PTPRN2: variants seen among roughly 807,000 people sequenced by gnomAD.
PTPRN2 encodes the protein receptor-type tyrosine-protein phosphatase N2.
In PTPRN2, 74 loss-of-function variants were observed where a neutral mutation model predicts 118.8. The ratio of observed to expected loss-of-function variants is 0.62; its 90% CI spans 0.52 to 0.76. PTPRN2 has a LOEUF of 0.76. Among genes scored for constraint, PTPRN2 ranks in the 30% least tolerant of loss-of-function variants. The pLI is 0.00. For synonymous variants in PTPRN2, 641 were observed against 608.0 expected (o/e 1.05, Z -0.80); for missense variants, 1,481 against 1,394.4 (o/e 1.06, Z -0.99).
At chr7:158,318,336 T>G (rs201989442) in intron 2 of PTPRN2, among the ~76,000 whole-genome samples, 1 of 152,198 alleles carries the variant, frequency 6.6e-6, no homozygotes, top group East Asian at 1.9e-4. Context: ...GTTCCTACTC[T>G]GCTTTTCGAA....
At chr7:158,283,244 C>G (rs1799549231) in intron 3 of PTPRN2, among the ~76,000 whole-genome samples, 1 of 152,258 alleles carries the variant, frequency 6.6e-6, no homozygotes. Context: ...GCAGCCGTCA[C>G]AGGTAAACAA....
At chr7:157,595,525 C>CCGG in intron 16 of PTPRN2, among the ~76,000 whole-genome samples, 2 of 114,912 alleles carry the variant, frequency 1.7e-5, no homozygotes, top group African/African-American at 8.0e-5. Flanking sequence ...GTTAGGAAGC[C>CCGG]AGAAGGTTAG....
intron 11 of PTPRN2, among the ~76,000 whole-genome samples, chr7:157,971,485 T>A (rs982749262): frequency 6.6e-6 from 1 of 152,158 alleles, no homozygotes; most frequent in Non-Finnish European, 1.5e-5. Flanking sequence ...CGTTATTAAT[T>A]TCTTTGGTAT....
chr7:157,840,339 C>CT (rs146900626), intron 12 of PTPRN2, among the ~76,000 whole-genome samples: 72 of 99,604 alleles, frequency 7.2e-4, no homozygotes, highest in Non-Finnish European at 1.0e-3. Flanking sequence ...CCGCGTGTGA[C>CT]GTGTGGCCGC....
intron 11 of PTPRN2, among the ~76,000 whole-genome samples, chr7:158,049,988 T>C (rs1226756956): frequency 6.6e-6 from 1 of 151,986 alleles, no homozygotes; most frequent in Non-Finnish European, 1.5e-5. Context: ...CCTGAAGGAG[T>C]TGAAAGGGGC....
chr7:158,314,863 G>C (rs1483307848), intron 3 of PTPRN2, among the ~76,000 whole-genome samples: 102 of 145,244 alleles, frequency 7.0e-4, no homozygotes, highest in Middle Eastern at 4.0e-3. Flanking sequence ...CGGAACCCCT[G>C]TAGGACAGAG....
intron 11 of PTPRN2, among the ~76,000 whole-genome samples, chr7:157,951,544 C>A (rs973553016): frequency 7.2e-5 from 11 of 152,204 alleles, no homozygotes; most frequent in Admixed American, 4.6e-4. Flanking sequence ...CTCTGGGACC[C>A]CCCTTCCACT....
intron 10 of PTPRN2, among the ~76,000 whole-genome samples, chr7:158,110,089 G>A (rs557431011): frequency 6.6e-6 from 1 of 152,322 alleles, no homozygotes; most frequent in South Asian, 2.1e-4. Flanking sequence ...TCGGTCCACA[G>A]GCAGGTGGGC....
At chr7:158,511,735 C>T (rs1321008377) in intron 1 of PTPRN2, among the ~76,000 whole-genome samples, 1 of 152,206 alleles carries the variant, frequency 6.6e-6, no homozygotes, top group East Asian at 1.9e-4. Context: ...AGCATGCTCA[C>T]AGCTCCTTGG....
intron 4 of PTPRN2, among the ~76,000 whole-genome samples, chr7:158,200,461 T>A (rs111906162): frequency 1.1e-3 from 168 of 152,360 alleles, no homozygotes; most frequent in African/African-American, 3.8e-3. Flanking sequence ...CACAGATTAC[T>A]GTTTTTGTCT....
intron 14 of PTPRN2, among the ~76,000 whole-genome samples, chr7:157,652,960 G>C (rs922100048): frequency 7.9e-5 from 12 of 152,212 alleles, no homozygotes; most frequent in Non-Finnish European, 1.8e-4. Context: ...CAGGGCGGGA[G>C]GGGGCTCTCG....
rs565246549 is a variant in PTPRN2 at position 158,456,222 on chromosome 7, C to T, written c.163+33513G>A. On this transcript the variant is annotated intron_variant, in intron 2 of 22. Coordinates refer to ENST00000389418, the MANE Select transcript of PTPRN2 (RefSeq NM_002847.5). ...GGCACGGACGCCATTGGCAATGGCCCCCCATCGCTCTGCAGAGAACGTAAC... is the reference window on the plus strand; with the variant it reads ...GGCACGGACGCCATTGGCAATGGCCTCCCATCGCTCTGCAGAGAACGTAAC... Among the ~76,000 whole-genome samples, 139 of 143,866 alleles carry T rather than the reference C, an allele frequency of 9.7e-4. 1 individual carries two copies. Among genetic ancestry groups the T allele is most frequent in the African/African-American group, 3.5e-3 (136 of 38,554 alleles). The allele number at this position is 143,866 out of a possible 152,430, so 94.4% of individuals were successfully genotyped here. A position where few individuals can be genotyped will look rare whatever the true frequency, so the allele number is the denominator to read the frequency against.
chr7:157,996,046 C>T (rs954758761), intron 11 of PTPRN2, among the ~76,000 whole-genome samples: 1 of 152,130 alleles, frequency 6.6e-6, no homozygotes, highest in Non-Finnish European at 1.5e-5. Flanking sequence ...TACTATTCAG[C>T]CATAAAAAAG....
At chr7:158,328,336 G>C (rs1034710109) in intron 2 of PTPRN2, among the ~76,000 whole-genome samples, 4 of 152,234 alleles carry the variant, frequency 2.6e-5, no homozygotes, top group East Asian at 1.9e-4. Context: ...CAGGACTGCT[G>C]TGAAGTCTGA....
At chr7:158,140,645 C>T (rs1489841470) in intron 6 of PTPRN2, among the ~76,000 whole-genome samples, 1 of 152,206 alleles carries the variant, frequency 6.6e-6, no homozygotes, top group Non-Finnish European at 1.5e-5. Flanking sequence ...GCGAGGTCTG[C>T]CCAGGGCAAC....
intron 2 of PTPRN2, among the ~76,000 whole-genome samples, chr7:158,362,900 C>A (rs1346534628): frequency 6.6e-6 from 1 of 152,138 alleles, no homozygotes; most frequent in African/African-American, 2.4e-5. Flanking sequence ...CCTCTGGGGA[C>A]CTTGAGTCAG....
At chr7:157,698,031 T>C (rs551382587) in intron 12 of PTPRN2, among the ~76,000 whole-genome samples, 2 of 152,358 alleles carry the variant, frequency 1.3e-5, no homozygotes, top group East Asian at 3.8e-4. Context: ...CATCTACCCA[T>C]GCATACTGGA....
intron 2 of PTPRN2, among the ~76,000 whole-genome samples, chr7:158,486,778 TAC>T (rs201822296): frequency 6.6e-6 from 1 of 152,206 alleles, no homozygotes; most frequent in Non-Finnish European, 1.5e-5. Flanking sequence ...TGGTAAAATA[TAC>T]GTCACATTAA....
intron 11 of PTPRN2, among the ~76,000 whole-genome samples, chr7:158,002,233 G>A (rs945667256): frequency 1.3e-5 from 2 of 152,226 alleles, no homozygotes; most frequent in African/African-American, 4.8e-5. Context: ...TGCTGCCTTA[G>A]AGACCCGCCC....
Sources: gnomAD v4.1 joint callset for allele counts (sites outside exome capture counted in the v4.1 genomes callset) on GRCh38, gnomAD v4.1.1 for gene constraint, MANE v1.5 for transcripts, NCBI Gene and HGNC (gene_info 2026-07-23, HGNC 2026-07-21) for gene names.